GLOD5: variants seen among roughly 807,000 people sequenced by gnomAD.
The protein encoded by GLOD5 is glyoxalase domain-containing protein 5.
Under a neutral mutation model 9.9 loss-of-function variants are expected in GLOD5, and 7 were observed. That is an observed-to-expected ratio of 0.71 (90% CI 0.40 to 1.33). The LOEUF (loss-of-function observed/expected upper bound fraction) is 1.33. GLOD5 is among the 40% of genes most tolerant of loss of function. The probability of loss-of-function intolerance (pLI) is 0.01; values close to 1 mark genes in which losing one functional copy is unlikely to be tolerated. For synonymous variants in GLOD5, 49 were observed against 47.3 expected (o/e 1.04, Z -0.14); for missense variants, 146 against 128.4 (o/e 1.14, Z -0.66).
intron 3 of GLOD5, among the ~76,000 whole-genome samples, chrX:48,772,071 T>TA (rs1261642289): frequency 3.7e-5 from 4 of 107,116 alleles, no homozygotes; most frequent in African/African-American, 6.8e-5. Flanking sequence ...TCCCATCTCT[T>TA]AAAAAAAATA....
chrX:48,765,577 C>CAAA (rs66661999), intron 1 of GLOD5: 2,637 of 170,356 alleles, frequency 0.015, 37 homozygotes, highest in Middle Eastern at 0.021. Context: ...GACTCTGTCT[C>CAAA]AAAAAAAAAA....
intron 1 of GLOD5, chrX:48,765,576 TC>T (rs2062606695): frequency 7.7e-6 from 1 of 129,247 alleles, no homozygotes. Context: ...AGACTCTGTC[TC>T]AAAAAAAAAA....
intron 2 of GLOD5, among the ~76,000 whole-genome samples, chrX:48,769,362 T>C (rs2062616646): frequency 9.4e-6 from 1 of 106,748 alleles, no homozygotes; most frequent in Non-Finnish European, 1.9e-5. Context: ...AAAAAAGTTT[T>C]ATAATTAGCC....
Position 48,773,395 on chromosome X carries a change from A to C in GLOD5, c.443A>C (p.Asp148Ala). ...ATGTCCATCTACTTCCGAGACCCCG[A>C]CAGAAATCTGATTGAGGTGTCCAAC... ...PIMSIYFRDP[D>A]RNLIEVSNYI... The change falls in exon 4 of 4, where the codon GAC (aspartate) becomes GCC (alanine). Residue 148 changes from aspartate to alanine, a missense_variant. Asp to Ala is a moderately radical substitution (Grantham distance 126, BLOSUM62 -2). Coordinates refer to ENST00000303227, the MANE Select transcript of GLOD5 (RefSeq NM_001080489.3). 1 of 1,209,922 alleles carries C rather than the reference A, an allele frequency of 8.3e-7. No individual in the cohort carries two copies. Among genetic ancestry groups the C allele is most frequent in the Non-Finnish European group, 1.1e-6 (1 of 894,640 alleles).
At chrX:48,766,978 T>G in intron 2 of GLOD5, among the ~76,000 whole-genome samples, 1 of 1,007 alleles carries the variant, frequency 9.9e-4, no homozygotes, top group Non-Finnish European at 2.6e-3. Flanking sequence ...AGAGCAAGAT[T>G]CCATCTCAAA....
intron 2 of GLOD5, among the ~76,000 whole-genome samples, chrX:48,767,203 T>C (rs1429542508): frequency 9.3e-6 from 1 of 107,908 alleles, no homozygotes; most frequent in Non-Finnish European, 1.9e-5. Flanking sequence ...CCTTGAGAAT[T>C]TGGAATAACT....
At chrX:48,766,230 T>G (rs2062608827) in intron 2 of GLOD5, 2 of 295,865 alleles carry the variant, frequency 6.8e-6, no homozygotes, top group African/African-American at 2.7e-5. Flanking sequence ...GTATCCAGCA[T>G]GTTGACACTT....
chrX:48,763,878 T>C (rs1557016289), intron 1 of GLOD5, among the ~76,000 whole-genome samples: 1 of 111,790 alleles, frequency 8.9e-6, no homozygotes, highest in Non-Finnish European at 1.9e-5. Flanking sequence ...GAAAATAGAA[T>C]GGTACAGGAT....
intron 2 of GLOD5, among the ~76,000 whole-genome samples, chrX:48,768,058 C>G (rs1247100691): frequency 8.9e-6 from 1 of 112,017 alleles, no homozygotes; most frequent in Non-Finnish European, 1.9e-5. Context: ...CTCAACCTCC[C>G]AGACTCAGGT....
chrX:48,769,710 C>G (rs1176318675), intron 2 of GLOD5, among the ~76,000 whole-genome samples: 2 of 110,691 alleles, frequency 1.8e-5, no homozygotes, highest in South Asian at 7.6e-4. Flanking sequence ...GCCGGGCACA[C>G]TGGCTCACAT....
intron 1 of GLOD5, 151 bp from the exon 2 acceptor site, chrX:48,765,684 C>T (rs782288209): frequency 5.0e-6 from 3 of 596,132 alleles, no homozygotes; most frequent in African/African-American, 4.4e-5. Flanking sequence ...CAGTAAGACT[C>T]TACCAGTAAG....
chrX:48,773,280 A>G lies in GLOD5; in HGVS notation c.358-30A>G, dbSNP rs782782882. On this transcript the variant is annotated intron_variant, in intron 3 of 3. Coordinates refer to ENST00000303227, the MANE Select transcript of GLOD5 (RefSeq NM_001080489.3). ...TTGGTCTCACACACACATTTTGACGAACGACTTTTGTCTTTTCTTCCCACT... is the reference window on the plus strand; with the variant it reads ...TTGGTCTCACACACACATTTTGACGGACGACTTTTGTCTTTTCTTCCCACT... The G allele has an allele frequency of 2.5e-6, 3 of 1,207,413 alleles. No homozygotes were observed. The East Asian group carries it at 8.9e-5, about 36-fold the overall frequency.
At chrX:48,770,787 G>T in intron 2 of GLOD5, 140 bp from the exon 3 acceptor site, 1 of 423,993 alleles carries the variant, frequency 2.4e-6, no homozygotes. Flanking sequence ...CTTGGGTGGG[G>T]CAAAGGGCTG....
At chrX:48,765,493 G>A (rs969484952) in intron 1 of GLOD5, 43 of 259,416 alleles carry the variant, frequency 1.7e-4, no homozygotes, top group East Asian at 3.1e-4. Flanking sequence ...CAGGAGAATC[G>A]CTTGAAGCTG....
At chrX:48,766,051 AAGGAAAACCAC>A in intron 2 of GLOD5, 79 bp downstream of exon 2, 1 of 912,344 alleles carries the variant, frequency 1.1e-6, no homozygotes, top group East Asian at 3.3e-5. Context: ...TTAACTCTAA[AAGGAAAACCAC>A]AGGAAATCTG....
chrX:48,762,098 G>GGACA (rs1557016088), intron 1 of GLOD5, among the ~76,000 whole-genome samples: 1 of 111,231 alleles, frequency 9.0e-6, no homozygotes, highest in Non-Finnish European at 1.9e-5. Flanking sequence ...GTTTAGCCAG[G>GGACA]GACAGGTGGA....
At chrX:48,768,944 T>C (rs1430866077) in intron 2 of GLOD5, among the ~76,000 whole-genome samples, 3 of 104,462 alleles carry the variant, frequency 2.9e-5, no homozygotes, top group Non-Finnish European at 5.9e-5. Flanking sequence ...GCAGGAGAAT[T>C]GCTTGAACTC....
chrX:48,768,638 T>C lies in GLOD5; in HGVS notation c.202-2289T>C, dbSNP rs141818219. On this transcript the variant is annotated intron_variant, in intron 2 of 3. Coordinates refer to ENST00000303227, the MANE Select transcript of GLOD5 (RefSeq NM_001080489.3). ...AGACTTCTTAACAGCAACACCACATTTGGGGAAGACAATGAAGCAACATAT... is the reference window on the plus strand; with the variant it reads ...AGACTTCTTAACAGCAACACCACATCTGGGGAAGACAATGAAGCAACATAT... Among the ~76,000 whole-genome samples, 328 of 111,608 alleles carry C rather than the reference T, an allele frequency of 2.9e-3. 2 individuals carry two copies. The highest frequency in any genetic ancestry group is 0.01 in the African/African-American group (315 of 30,746).
At chrX:48,769,452 T>TC (rs781842988) in intron 2 of GLOD5, among the ~76,000 whole-genome samples, 1 of 108,990 alleles carries the variant, frequency 9.2e-6, no homozygotes, top group Non-Finnish European at 1.9e-5. Context: ...GGCCAGGAGG[T>TC]CAAGGCTGCA....
Sources: gnomAD v4.1 joint callset for allele counts (sites outside exome capture counted in the v4.1 genomes callset) on GRCh38, gnomAD v4.1.1 for gene constraint, MANE v1.5 for transcripts, NCBI Gene and HGNC (gene_info 2026-07-23, HGNC 2026-07-21) for gene names.